The following IFT122 variants were observed in gnomAD, a reference collection of about 807,000 sequenced individuals.
IFT122 encodes the protein intraflagellar transport protein 122 homolog.
Under a neutral mutation model 161.6 loss-of-function variants are expected in IFT122, and 118 were observed. That is an observed-to-expected ratio of 0.73 (90% CI 0.63 to 0.85). The LOEUF is 0.85. Ranked by LOEUF, IFT122 falls within the 40% of genes least tolerant of loss-of-function variation. The pLI, the probability that IFT122 is intolerant of heterozygous loss-of-function variation, is 0.00. For synonymous variants in IFT122, 550 were observed against 602.4 expected, an observed-to-expected ratio of 0.91 and a Z score of 1.27; for missense variants, 1,381 against 1,579.6, an observed-to-expected ratio of 0.87 and a Z score of 2.13.
At chr3:129,478,825 T>C (rs1186444489) in intron 12 of IFT122, among the ~76,000 whole-genome samples, 13 of 152,208 alleles carry the variant, frequency 8.5e-5, no homozygotes, top group Non-Finnish European at 8.8e-5. Flanking sequence ...CATAAATTGG[T>C]GTACAGAATG....
At chr3:129,475,968 A>G (rs2077884500) in intron 9 of IFT122, among the ~76,000 whole-genome samples, 1 of 152,164 alleles carries the variant, frequency 6.6e-6, no homozygotes, top group Admixed American at 6.5e-5. Flanking sequence ...TATAGGAAGA[A>G]CTATATTTGC....
chr3:129,483,049 C>G (rs747522117), intron 14 of IFT122, among the ~76,000 whole-genome samples: 2 of 152,162 alleles, frequency 1.3e-5, no homozygotes, highest in Non-Finnish European at 2.9e-5. Flanking sequence ...TGCCAGGAGA[C>G]ATCAGCATTC....
intron 22 of IFT122, 97 bp from the exon 23 acceptor site, chr3:129,507,570 TG>T: frequency 1.1e-6 from 1 of 918,250 alleles, no homozygotes; most frequent in Non-Finnish European, 1.8e-6. Context: ...GAACTGATGC[TG>T]GGAAAAGTAC....
chr3:129,479,864 A>G lies in IFT122; in HGVS notation c.1430A>G (p.Lys477Arg), dbSNP rs141539693. ...ATGGAGTCTCTCATTCGTTACATCA[A>G]GGTGATCGGTGGCCCTCCTGGAAGA... ...WQMESLIRYIKVIGGPPGREG... is the reference protein window; with the variant it reads ...WQMESLIRYIRVIGGPPGREG... The change falls in exon 13 of 30, where the codon AAG (lysine) becomes AGG (arginine). Residue 477 changes from lysine (K) to arginine (R), a missense_variant. Lys to Arg is a conservative substitution (Grantham distance 26). Transcript: ENST00000348417. The G allele has an allele frequency of 2.4e-5, 38 of 1,613,960 alleles. No homozygotes were observed. The African/African-American group carries it at 4.5e-4, about 19-fold the overall frequency.
chr3:129,444,622 A>G (rs1469591755), intron 1 of IFT122, among the ~76,000 whole-genome samples: 3 of 152,008 alleles, frequency 2.0e-5, no homozygotes, highest in African/African-American at 7.3e-5. Flanking sequence ...CCCAGGTTCA[A>G]GCCATTCTCC....
At chr3:129,510,918 G>A (rs961028180) in intron 23 of IFT122, among the ~76,000 whole-genome samples, 9 of 152,234 alleles carry the variant, frequency 5.9e-5, no homozygotes, top group Admixed American at 2.0e-4. Flanking sequence ...CAGGGGAAAC[G>A]TTTAGAGGCC....
At chr3:129,498,689 A>G (rs2081183628) in intron 18 of IFT122, among the ~76,000 whole-genome samples, 2 of 152,368 alleles carry the variant, frequency 1.3e-5, no homozygotes, top group South Asian at 2.1e-4. Context: ...GATTTTTAGC[A>G]TACATTGACT....
chr3:129,520,392 G>GC lies in IFT122; in HGVS notation c.*127_*128insC. On this transcript the variant is annotated 3_prime_UTR_variant, in exon 30 of 30. Coordinates refer to ENST00000348417, the MANE Select transcript of IFT122 (RefSeq NM_052989.3). ...GATGAAGTTTGTGTTTTGTGGGGGG[G>GC]GCCTTGTGTAACCACGGAATTCCTA... 1.3e-6 allele frequency: 1 copy of GC among 785,792 alleles called. No individual in the cohort carries two copies. The highest frequency in any genetic ancestry group is 2.2e-6 in the Non-Finnish European group (1 of 462,054). 48.7% of individuals were successfully genotyped at this position (785,792 alleles called of 1,614,324 possible).
intron 13 of IFT122, among the ~76,000 whole-genome samples, chr3:129,480,853 GT>G (rs2078554245): frequency 6.6e-6 from 1 of 152,040 alleles, no homozygotes; most frequent in African/African-American, 2.4e-5. Context: ...AGGGTTGGGA[GT>G]TAAAGCCAAT....
chr3:129,494,751 T>C (rs1288041619), intron 17 of IFT122, among the ~76,000 whole-genome samples: 3 of 152,084 alleles, frequency 2.0e-5, no homozygotes, highest in Admixed American at 6.6e-5. Flanking sequence ...CATTGTGTGA[T>C]ACAAGGAATA....
intron 3 of IFT122, among the ~76,000 whole-genome samples, chr3:129,454,513 T>TTGTG (rs61557048): frequency 0.048 from 6,257 of 131,092 alleles, 226 homozygotes; most frequent in African/African-American, 0.11. Flanking sequence ...GTAGTCATAT[T>TTGTG]TGTGTGTGTG....
intron 23 of IFT122, among the ~76,000 whole-genome samples, chr3:129,510,454 G>C (rs186384103): frequency 1.9e-4 from 29 of 152,282 alleles, no homozygotes; most frequent in Admixed American, 1.0e-3. Context: ...TGGCTTTCCT[G>C]AAACGAGACC....
intron 24 of IFT122, 147 bp from the exon 25 acceptor site, chr3:129,514,242 G>A (rs1022188867): frequency 1.2e-6 from 1 of 852,342 alleles, no homozygotes; most frequent in Non-Finnish European, 1.9e-6. Flanking sequence ...CCTCTCACAA[G>A]CGCACAGAGC....
chr3:129,472,098 T>C (rs1190389510), intron 9 of IFT122, among the ~76,000 whole-genome samples: 1 of 152,186 alleles, frequency 6.6e-6, no homozygotes, highest in Non-Finnish European at 1.5e-5. Flanking sequence ...AGAATGTCTA[T>C]CAGATTAGTC....
chr3:129,497,118 C>G (rs2080951754), intron 18 of IFT122, among the ~76,000 whole-genome samples: 1 of 152,020 alleles, frequency 6.6e-6, no homozygotes, highest in Admixed American at 6.5e-5. Context: ...CTCTCTCTAC[C>G]AAAAATGCAA....
intron 3 of IFT122, among the ~76,000 whole-genome samples, chr3:129,457,280 G>GA (rs1295000002): frequency 6.6e-6 from 1 of 152,178 alleles, no homozygotes; most frequent in Non-Finnish European, 1.5e-5. Flanking sequence ...CAAGTAGTAT[G>GA]AAAATGCGAA....
rs2082201677 is a variant in IFT122 at position 129,506,458 on chromosome 3, G to A, written c.2700G>A (p.Gln900=). 3 of 1,614,110 alleles carry A rather than the reference G, an allele frequency of 1.9e-6. No individual in the cohort carries two copies. The highest frequency in any genetic ancestry group is 2.5e-6 in the Non-Finnish European group (3 of 1,180,042). Residue 900 remains glutamine (Q), a synonymous_variant, in exon 22 of 30, where the codon CAG becomes CAA. Transcript: ENST00000348417. ...GAGAAGCGGTCCAGGTGCTGGAGCA[G>A]CTCACAAACAATGCCGTGGCGGAGA... ...RQREAVQVLE[Q]LTNNAVAESR...
At chr3:129,508,543 T>A (rs1004287450) in intron 23 of IFT122, among the ~76,000 whole-genome samples, 5 of 152,196 alleles carry the variant, frequency 3.3e-5, no homozygotes, top group African/African-American at 1.2e-4. Context: ...GTAATTGCGG[T>A]TTCAGACTGA....
intron 1 of IFT122, among the ~76,000 whole-genome samples, chr3:129,443,416 GTAGAA>G (rs901307101): frequency 1.3e-5 from 2 of 152,188 alleles, no homozygotes; most frequent in African/African-American, 4.8e-5. Flanking sequence ...CCATCCTACA[GTAGAA>G]TAGACTGCCT....
Sources: allele counts gnomAD v4.1 joint callset (sites outside exome capture counted in the v4.1 genomes callset), GRCh38; gene constraint gnomAD v4.1.1; transcripts MANE v1.5; gene names NCBI Gene and HGNC (gene_info 2026-07-23, HGNC 2026-07-21).